USP24: variants seen among roughly 807,000 people sequenced by gnomAD.
USP24 encodes ubiquitin specific peptidase 24.
Under a neutral mutation model 361.6 loss-of-function variants are expected in USP24, and 97 were observed. The ratio of observed to expected loss-of-function variants is 0.27; its 90% CI spans 0.23 to 0.32. The LOEUF (loss-of-function observed/expected upper bound fraction) is 0.32, where lower values mean the gene tolerates loss of function less well. Among genes scored for constraint, USP24 ranks in the 10% least tolerant of loss-of-function variants. The pLI, the probability that USP24 is intolerant of heterozygous loss-of-function variation, is 1.00. For synonymous variants in USP24, 1,098 were observed against 1,124.6 expected (o/e 0.98, Z 0.47); for missense variants, 2,353 against 3,165.6 (o/e 0.74, Z 6.16).
Position 55,089,740 on chromosome 1 carries a change from C to T in USP24, c.6555G>A (p.Arg2185=). The T allele has an allele frequency of 1.9e-6, 3 of 1,584,086 alleles. No homozygotes were observed. The highest frequency in any genetic ancestry group is 2.6e-6 in the Non-Finnish European group (3 of 1,164,650). The part of the protein sequence containing the change: ...QTYLRTKKKL[R]VDTEEWIATI... ...TAGCAATCCATTCTTCAGTATCAAC[C>T]CTTTAAAAAAAAGCAGATACAGCAA... Residue 2185 remains arginine, a splice_region_variant and synonymous_variant, in exon 55 of 68, where the codon AGG becomes AGA. Transcript: ENST00000294383.
At chr1:55,205,561 C>CT (rs1159990430) in intron 1 of USP24, among the ~76,000 whole-genome samples, 8 of 152,134 alleles carry the variant, frequency 5.3e-5, no homozygotes, top group African/African-American at 1.7e-4. Flanking sequence ...AAGCAGTATA[C>CT]TTTTTTCTGT....
chr1:55,185,295 G>A (rs768326391), intron 1 of USP24, among the ~76,000 whole-genome samples: 1 of 151,682 alleles, frequency 6.6e-6, no homozygotes, highest in Admixed American at 6.6e-5. Flanking sequence ...TATTACAAAG[G>A]AAGAAAGATT....
intron 1 of USP24, 31 bp from the exon 2 acceptor site, chr1:55,178,163 A>AT (rs1354829610): frequency 7.0e-7 from 1 of 1,436,296 alleles, no homozygotes; most frequent in Non-Finnish European, 9.1e-7. Flanking sequence ...TAAAAAGCAA[A>AT]TAAAACTAAT....
intron 42 of USP24, 101 bp from the exon 43 acceptor site, chr1:55,101,804 A>C: frequency 1.4e-6 from 2 of 1,385,364 alleles, no homozygotes; most frequent in Non-Finnish European, 1.9e-6. Context: ...TCACAGATTT[A>C]CCCATCCAGC....
At chr1:55,081,602 A>G (rs1381287078) in intron 58 of USP24, among the ~76,000 whole-genome samples, 178 bp from the exon 59 acceptor site, 1 of 152,210 alleles carries the variant, frequency 6.6e-6, no homozygotes, top group Non-Finnish European at 1.5e-5. Flanking sequence ...GGGTTATATT[A>G]ACTCATATTC....
intron 38 of USP24, among the ~76,000 whole-genome samples, chr1:55,115,458 T>C (rs1329306709): frequency 8.8e-6 from 1 of 113,726 alleles, no homozygotes; most frequent in Non-Finnish European, 1.7e-5. Context: ...ATCCCGCCAC[T>C]GCACTCCAGC....
rs1644686465 is a variant in USP24, at chr1:55,205,705, T to C, written c.324+9085A>G. 1.3e-5 allele frequency among the ~76,000 whole-genome samples: 2 copies of C among 152,334 alleles called. 1 individual carries two copies. The highest frequency in any genetic ancestry group is 4.1e-4 in the South Asian group (2 of 4,828). On this transcript the variant is annotated intron_variant, in intron 1 of 67. Transcript: ENST00000294383. The stretch of plus-strand genomic sequence containing the variant: ...AAAACTTTAATCTTTTTAACTACTC[T>C]CATTTAAACACAGTTTGGTTTGCTT...
chr1:55,214,719 C>A (rs1342987250), intron 1 of USP24, 71 bp downstream of exon 1: 2 of 1,107,030 alleles, frequency 1.8e-6, no homozygotes, highest in Non-Finnish European at 2.2e-6. Flanking sequence ...CCAAGCCCAG[C>A]GGGGTGTGTC....
At chr1:55,184,263 C>A (rs1644063338) in intron 1 of USP24, among the ~76,000 whole-genome samples, 1 of 152,084 alleles carries the variant, frequency 6.6e-6, no homozygotes, top group African/African-American at 2.4e-5. Flanking sequence ...TGCCATGTTG[C>A]CGAGGCTGGT....
chr1:55,093,126 C>A (rs143181797), intron 52 of USP24, among the ~76,000 whole-genome samples: 37 of 152,270 alleles, frequency 2.4e-4, no homozygotes, highest in African/African-American at 8.9e-4. Context: ...AACTATTATT[C>A]ATTAAACCAT....
chr1:55,159,429 G>A (rs1648037203), intron 9 of USP24, among the ~76,000 whole-genome samples, 182 bp downstream of exon 9: 1 of 152,160 alleles, frequency 6.6e-6, no homozygotes, highest in Admixed American at 6.5e-5. Flanking sequence ...ATTGACTAGA[G>A]GTAACAACCA....
At chr1:55,170,847 T>C (rs1245358357) in intron 5 of USP24, among the ~76,000 whole-genome samples, 2 of 152,228 alleles carry the variant, frequency 1.3e-5, no homozygotes, top group African/African-American at 2.4e-5. Flanking sequence ...AATCACATCT[T>C]ATTACTGTTT....
intron 4 of USP24, 25 bp from the exon 5 acceptor site, chr1:55,171,703 CATT>C (rs1297876653): frequency 6.9e-6 from 11 of 1,587,694 alleles, no homozygotes; most frequent in Non-Finnish European, 3.4e-6. Flanking sequence ...AACAGAGAAA[CATT>C]ATTATCTATT....
chr1:55,120,571 T>C (rs1400024399), intron 38 of USP24, 25 bp downstream of exon 38: 2 of 1,533,116 alleles, frequency 1.3e-6, no homozygotes, highest in East Asian at 4.9e-5. Context: ...TGTATAAGGT[T>C]AGCTTTTCCA....
intron 38 of USP24, among the ~76,000 whole-genome samples, chr1:55,115,208 T>C (rs1164945973): frequency 3.3e-5 from 5 of 152,046 alleles, no homozygotes; most frequent in South Asian, 2.1e-4. Flanking sequence ...GTATCTTACA[T>C]AGAATGGCGA....
intron 1 of USP24, among the ~76,000 whole-genome samples, chr1:55,212,331 A>C (rs1296392656): frequency 6.6e-6 from 1 of 152,170 alleles, no homozygotes; most frequent in African/African-American, 2.4e-5. Flanking sequence ...ACTGTTACCA[A>C]ACAAATTTAA....
intron 42 of USP24, among the ~76,000 whole-genome samples, chr1:55,103,290 T>C (rs903916725): frequency 2.6e-5 from 4 of 152,192 alleles, no homozygotes; most frequent in African/African-American, 9.6e-5. Flanking sequence ...CCTTCTGAGA[T>C]ACCAACAGCT....
intron 55 of USP24, among the ~76,000 whole-genome samples, chr1:55,087,715 C>G (rs772673474): frequency 7.2e-5 from 11 of 152,170 alleles, no homozygotes; most frequent in Non-Finnish European, 1.5e-4. Context: ...AGGGAATGAA[C>G]TGAACCTGGC....
intron 44 of USP24, 74 bp from the exon 45 acceptor site, chr1:55,099,943 G>A: frequency 2.7e-6 from 3 of 1,099,248 alleles, no homozygotes; most frequent in Non-Finnish European, 3.9e-6. Flanking sequence ...GAACATGAAA[G>A]AGCACTTAAA....
Sources: allele counts gnomAD v4.1 joint callset (sites outside exome capture counted in the v4.1 genomes callset), GRCh38; gene constraint gnomAD v4.1.1; transcripts MANE v1.5; gene names NCBI Gene and HGNC (gene_info 2026-07-23, HGNC 2026-07-21).